COL28A1: variants seen among roughly 807,000 people sequenced by gnomAD.
COL28A1 encodes the protein collagen type XXVIII alpha 1 chain.
In COL28A1, 161 loss-of-function variants were observed where a neutral mutation model predicts 150.2. The observed-to-expected ratio is 1.07, with a 90% CI of 0.94 to 1.22. COL28A1 has a LOEUF of 1.22. Among genes scored for constraint, COL28A1 ranks in the 50% most tolerant of loss-of-function variants. The pLI is 0.00. For missense variants in COL28A1, 1,617 were observed against 1,388.3 expected, an observed-to-expected ratio of 1.16 and a Z score of -2.62; for synonymous variants, 552 against 469.7, an observed-to-expected ratio of 1.18 and a Z score of -2.26.
chr7:7,454,469 T>A (rs1370701986), intron 16 of COL28A1, among the ~76,000 whole-genome samples: 1 of 152,164 alleles, frequency 6.6e-6, no homozygotes, highest in African/African-American at 2.4e-5. Flanking sequence ...ATCAGCTCTG[T>A]AAGGACACAT....
upstream of COL28A1, among the ~76,000 whole-genome samples, chr7:7,536,714 A>C (rs1782653495): frequency 6.6e-6 from 1 of 152,214 alleles, no homozygotes; most frequent in Non-Finnish European, 1.5e-5. Flanking sequence ...ACAAATGTGC[A>C]TGTTACGGTT....
intron 30 of COL28A1, among the ~76,000 whole-genome samples, chr7:7,377,405 T>C (rs1316611783): frequency 6.6e-6 from 1 of 152,096 alleles, no homozygotes; most frequent in Non-Finnish European, 1.5e-5. Context: ...ACGAAGACTT[T>C]CATAAGTGCT....
Position 7,459,218 on chromosome 7 carries a change from T to C in COL28A1, c.1303-3106A>G, listed in dbSNP as rs147749812. Among the ~76,000 whole-genome samples, 710 of 152,324 alleles carry C rather than the reference T, an allele frequency of 4.7e-3. 5 individuals carry two copies. Among genetic ancestry groups the C allele is most frequent in the East Asian group, 0.022 (115 of 5,188 alleles). On this transcript the variant is annotated intron_variant, in intron 15 of 34. Transcript: ENST00000399429. ...ACCTGAAAAAGTTAATTTACTGAAC[T>C]CATAAAACAATGGTTCTGTTGTATT... is the stretch of plus-strand genomic sequence containing the variant.
At chr7:7,522,907 C>G (rs1781814448) in intron 4 of COL28A1, among the ~76,000 whole-genome samples, 1 of 149,134 alleles carries the variant, frequency 6.7e-6, no homozygotes, top group East Asian at 2.0e-4. Context: ...TCAAAGTCAT[C>G]CTGGGCTGCA....
At chr7:7,376,245 T>A (rs1240552374) in intron 30 of COL28A1, among the ~76,000 whole-genome samples, 2 of 152,138 alleles carry the variant, frequency 1.3e-5, no homozygotes. Context: ...AAAGAGATGA[T>A]TAACAGAAGC....
intron 27 of COL28A1, among the ~76,000 whole-genome samples, chr7:7,412,606 C>T (rs1783852394): frequency 6.6e-6 from 1 of 152,062 alleles, no homozygotes; most frequent in South Asian, 2.1e-4. Context: ...ACATGCATTA[C>T]ACATACTATC....
At chr7:7,433,738 G>C (rs143052220) in intron 23 of COL28A1, among the ~76,000 whole-genome samples, 2 of 151,174 alleles carry the variant, frequency 1.3e-5, no homozygotes, top group South Asian at 2.1e-4. Flanking sequence ...CTGTTACACC[G>C]ATCTGTTGTT....
intron 14 of COL28A1, among the ~76,000 whole-genome samples, chr7:7,475,490 GTTCT>G (rs1788789861): frequency 6.6e-6 from 1 of 152,162 alleles, no homozygotes; most frequent in Non-Finnish European, 1.5e-5. Flanking sequence ...AACACGATGT[GTTCT>G]TTCTTTGATG....
intron 27 of COL28A1, among the ~76,000 whole-genome samples, chr7:7,397,475 C>T (rs964818449): frequency 2.6e-5 from 4 of 152,122 alleles, no homozygotes; most frequent in African/African-American, 9.7e-5. Flanking sequence ...ATTTAGCTTA[C>T]CACGGTGGCT....
intron 15 of COL28A1, among the ~76,000 whole-genome samples, chr7:7,462,991 G>T (rs1787759903): frequency 6.6e-6 from 1 of 151,682 alleles, no homozygotes; most frequent in Admixed American, 6.6e-5. Context: ...AAACAAAAAA[G>T]AATAAGAAAA....
chr7:7,478,840 C>T (rs1040783993), intron 13 of COL28A1, among the ~76,000 whole-genome samples: 1 of 152,254 alleles, frequency 6.6e-6, no homozygotes, highest in Non-Finnish European at 1.5e-5. Flanking sequence ...GCTCCAAGTG[C>T]GGGGCCCGCC....
rs761609005 is a variant in COL28A1 at position 7,417,889 on chromosome 7, G to GT, written c.2105_2106insA (p.Gly705TrpfsTer8). The GT allele has an allele frequency of 6.8e-6, 11 of 1,613,242 alleles. No homozygotes were observed. Among genetic ancestry groups the GT allele is most frequent in the Non-Finnish European group, 8.5e-6 (10 of 1,179,638 alleles). On this transcript the variant is annotated frameshift_variant, in exon 27 of 35. Coordinates refer to ENST00000399429, the MANE Select transcript of COL28A1 (RefSeq NM_001037763.3). LOFTEE classifies it high-confidence loss of function. ...TTCCCTGTGATCCATAGCCAGGGGG[G>GT]CCAGGAGGGCCAGGCAAGCCTTTCT... is the stretch of plus-strand genomic sequence containing the variant.
chr7:7,452,260 G>C, intron 18 of COL28A1, 59 bp downstream of exon 18: 1 of 1,573,922 alleles, frequency 6.4e-7, no homozygotes, highest in Non-Finnish European at 8.6e-7. Flanking sequence ...GGATATAAAG[G>C]AAACCTTATA....
intron 16 of COL28A1, among the ~76,000 whole-genome samples, chr7:7,454,494 T>C (rs1786979286): frequency 6.6e-6 from 1 of 152,162 alleles, no homozygotes; most frequent in African/African-American, 2.4e-5. Context: ...CTCGAAATTT[T>C]TTTTTCTTTA....
intron 6 of COL28A1, among the ~76,000 whole-genome samples, chr7:7,519,090 C>A (rs1562894436): frequency 6.6e-6 from 1 of 152,116 alleles, no homozygotes; most frequent in Non-Finnish European, 1.5e-5. Flanking sequence ...ACACCTGAGA[C>A]TGGGTAGTTT....
At chr7:7,405,901 T>C (rs1783464284) in intron 27 of COL28A1, among the ~76,000 whole-genome samples, 3 of 152,090 alleles carry the variant, frequency 2.0e-5, no homozygotes, top group Non-Finnish European at 1.5e-5. Flanking sequence ...CTAGATCAGA[T>C]CAATCAAGAA....
intron 32 of COL28A1, among the ~76,000 whole-genome samples, chr7:7,371,687 A>C (rs1781229203): frequency 6.6e-6 from 1 of 152,244 alleles, no homozygotes; most frequent in Non-Finnish European, 1.5e-5. Context: ...TTTATTATAA[A>C]GTCATACTGA....
At chr7:7,463,484 T>C (rs1787806824) in intron 15 of COL28A1, among the ~76,000 whole-genome samples, 1 of 152,068 alleles carries the variant, frequency 6.6e-6, no homozygotes, top group Non-Finnish European at 1.5e-5. Flanking sequence ...CAGCAGAAAC[T>C]CTACAAGCTA....
intron 25 of COL28A1, among the ~76,000 whole-genome samples, chr7:7,420,842 G>C (rs1020991251): frequency 6.6e-6 from 1 of 151,174 alleles, no homozygotes; most frequent in Non-Finnish European, 1.5e-5. Flanking sequence ...GTTTGCCCAA[G>C]TCTGCACAGC....
Sources: allele counts gnomAD v4.1 joint callset (sites outside exome capture counted in the v4.1 genomes callset), GRCh38; gene constraint gnomAD v4.1.1; transcripts MANE v1.5; gene names NCBI Gene and HGNC (gene_info 2026-07-23, HGNC 2026-07-21).